The following DENND1A variants were observed in gnomAD, a reference collection of about 807,000 sequenced individuals.
DENND1A encodes the protein DENN domain containing 1A.
Under a neutral mutation model 113.7 loss-of-function variants are expected in DENND1A, and 51 were observed. The observed-to-expected ratio is 0.45, with a 90% CI of 0.36 to 0.57. The LOEUF (loss-of-function observed/expected upper bound fraction) is 0.57, where lower values mean the gene tolerates loss of function less well. Among genes scored for constraint, DENND1A ranks in the 20% least tolerant of loss-of-function variants. The probability of loss-of-function intolerance (pLI) is 0.00; values close to 1 mark genes in which losing one functional copy is unlikely to be tolerated. For synonymous variants in DENND1A, 565 were observed against 570.8 expected (o/e 0.99, Z 0.14); for missense variants, 1,258 against 1,395.9 (o/e 0.90, Z 1.57).
intron 3 of DENND1A, among the ~76,000 whole-genome samples, chr9:123,785,301 A>G (rs1197196222): frequency 2.0e-5 from 3 of 152,126 alleles, no homozygotes; most frequent in Non-Finnish European, 4.4e-5. Context: ...ACAGTGAGCT[A>G]TGATTGCACC....
chr9:123,644,971 A>T lies in DENND1A; in HGVS notation c.618+7042T>A, dbSNP rs564192474. On this transcript the variant is annotated intron_variant, in intron 9 of 23. Transcript: ENST00000394215. ...AAGCTCAGATATGAAAATATGGAAG[A>T]AAAATGGGGCCTTTGTGCTACAGGG... 3.3e-5 allele frequency among the ~76,000 whole-genome samples: 5 copies of T among 152,352 alleles called. No homozygotes were observed. In the East Asian group the frequency reaches 9.6e-4, roughly 29 times the overall value.
At chr9:123,905,369 A>C (rs1242944377) in intron 1 of DENND1A, among the ~76,000 whole-genome samples, 1 of 148,670 alleles carries the variant, frequency 6.7e-6, no homozygotes, top group African/African-American at 2.6e-5. Flanking sequence ...TTAACTTTAA[A>C]TGTAAATGGA....
chr9:123,499,325 C>A (rs1244843533), intron 13 of DENND1A, among the ~76,000 whole-genome samples: 3 of 152,228 alleles, frequency 2.0e-5, no homozygotes, highest in Non-Finnish European at 4.4e-5. Context: ...TGAGCCAGCA[C>A]GCTCGGCCTC....
chr9:123,723,217 C>T (rs1334029856), intron 5 of DENND1A, among the ~76,000 whole-genome samples: 3 of 152,236 alleles, frequency 2.0e-5, no homozygotes, highest in Non-Finnish European at 4.4e-5. Flanking sequence ...GCCAATTTCT[C>T]CCATTCAGAA....
chr9:123,736,828 A>T (rs1469612958), intron 5 of DENND1A, among the ~76,000 whole-genome samples: 1 of 152,230 alleles, frequency 6.6e-6, no homozygotes, highest in East Asian at 1.9e-4. Flanking sequence ...AGGTAGATAC[A>T]GGTCAGACGT....
At chr9:123,486,775 C>A (rs2050907296) in intron 13 of DENND1A, among the ~76,000 whole-genome samples, 5 of 152,210 alleles carry the variant, frequency 3.3e-5, no homozygotes, top group Admixed American at 2.0e-4. Context: ...GTCCCCCAAC[C>A]TTCTGGGCAC....
intron 1 of DENND1A, among the ~76,000 whole-genome samples, chr9:123,911,688 ATTT>A (rs369915046): frequency 1.2e-4 from 17 of 144,222 alleles, no homozygotes; most frequent in African/African-American, 2.8e-4. Flanking sequence ...CAGAATAGTG[ATTT>A]TTTTTTTCTT....
chr9:123,464,299 G>A (rs900664131), intron 13 of DENND1A, among the ~76,000 whole-genome samples: 19 of 152,206 alleles, frequency 1.2e-4, no homozygotes, highest in Admixed American at 7.9e-4. Context: ...GTTCATAGCA[G>A]CTCTACTCAC....
At chr9:123,447,827 A>G (rs1456645534) in intron 18 of DENND1A, among the ~76,000 whole-genome samples, 1 of 151,938 alleles carries the variant, frequency 6.6e-6, no homozygotes, top group Non-Finnish European at 1.5e-5. Flanking sequence ...TTCTACTGCT[A>G]TGTGAGAGGT....
chr9:123,912,309 C>T (rs1056319779), intron 1 of DENND1A, among the ~76,000 whole-genome samples: 2 of 152,156 alleles, frequency 1.3e-5, no homozygotes, highest in Non-Finnish European at 2.9e-5. Context: ...CTAGTGACCT[C>T]AGGACCCAAG....
Position 123,523,842 on chromosome 9 carries a change from A to T in DENND1A, c.993+33728T>A, listed in dbSNP as rs946249569. Among the ~76,000 whole-genome samples, 4 of 152,214 alleles carry T rather than the reference A, an allele frequency of 2.6e-5. No individual in the cohort carries two copies. In the South Asian group the frequency reaches 6.2e-4, roughly 24 times the overall value. On this transcript the variant is annotated intron_variant, in intron 13 of 23. Transcript: ENST00000394215. ...TCGGTCTGCTCTTTGAATCAATATTATAGTTGATAAGCATGAAAACTCTTC... is the reference window on the plus strand; with the variant it reads ...TCGGTCTGCTCTTTGAATCAATATTTTAGTTGATAAGCATGAAAACTCTTC...
intron 8 of DENND1A, among the ~76,000 whole-genome samples, chr9:123,664,757 G>A (rs182352626): frequency 8.9e-4 from 136 of 151,972 alleles, no homozygotes; most frequent in South Asian, 1.7e-3. Flanking sequence ...TATAGTTTTC[G>A]TTCACCACCA....
chr9:123,431,452 C>A (rs2046127498), intron 19 of DENND1A, among the ~76,000 whole-genome samples: 1 of 152,200 alleles, frequency 6.6e-6, no homozygotes, highest in Admixed American at 6.5e-5. Context: ...GGATCCTGAG[C>A]CACCTGCCCA....
intron 13 of DENND1A, among the ~76,000 whole-genome samples, chr9:123,506,237 ATGAG>A (rs2052919955): frequency 6.6e-6 from 1 of 152,214 alleles, no homozygotes; most frequent in Admixed American, 6.5e-5. Context: ...TGAGGATTAA[ATGAG>A]TAATATGTAT....
In DENND1A at chr9:123,681,919, A is replaced by G. The variant is rs528988393; in HGVS notation, c.303-5130T>C. 1.1e-3 allele frequency among the ~76,000 whole-genome samples: 152 copies of G among 141,332 alleles called. 2 individuals are homozygous for G. The highest frequency in any genetic ancestry group is 1.1e-3 in the South Asian group (5 of 4,494). The allele number at this position is 141,332 out of a possible 152,430, so 92.7% of individuals were successfully genotyped here. A position where few individuals can be genotyped will look rare whatever the true frequency, so the allele number is the denominator to read the frequency against. On this transcript the variant is annotated intron_variant, in intron 5 of 23. Coordinates refer to ENST00000394215, the MANE Select transcript of DENND1A (RefSeq NM_001352964.2). ...CTGGGAAATGCTGTGTTGGGTTAGG[A>G]AAAAAAAAAAAAAATAGCAGTGCTC...
At chr9:123,559,454 A>G (rs896626902) in intron 12 of DENND1A, among the ~76,000 whole-genome samples, 1 of 152,208 alleles carries the variant, frequency 6.6e-6, no homozygotes, top group African/African-American at 2.4e-5. Flanking sequence ...ACAGATTTTT[A>G]GTATGAATGA....
At chr9:123,909,530 A>G (rs1853579732) in intron 1 of DENND1A, among the ~76,000 whole-genome samples, 1 of 152,066 alleles carries the variant, frequency 6.6e-6, no homozygotes, top group Non-Finnish European at 1.5e-5. Context: ...AAAAATGGAC[A>G]GAAACTTCTC....
rs562533760 is a variant in DENND1A at position 123,856,890 on chromosome 9, C to T, written c.88+22061G>A. ...TAAATATATTAAGGATAATGGGAAC[C>T]AGGCTTCTCACAGTTGAAGAGAGAA... On this transcript the variant is annotated intron_variant, in intron 2 of 23. Coordinates refer to ENST00000394215, the MANE Select transcript of DENND1A (RefSeq NM_001352964.2). Among the ~76,000 whole-genome samples, 6 of 151,992 alleles carry T rather than the reference C, an allele frequency of 3.9e-5. No individual in the cohort carries two copies. In the East Asian group the frequency reaches 1.2e-3, roughly 29 times the overall value.
chr9:123,782,579 T>C (rs1240023935), intron 3 of DENND1A, among the ~76,000 whole-genome samples: 2 of 152,192 alleles, frequency 1.3e-5, no homozygotes, highest in Non-Finnish European at 2.9e-5. Context: ...ACTTCCTGCC[T>C]GGGAAAGGGA....
Sources: allele counts gnomAD v4.1 joint callset (sites outside exome capture counted in the v4.1 genomes callset), GRCh38; gene constraint gnomAD v4.1.1; transcripts MANE v1.5; gene names NCBI Gene and HGNC (gene_info 2026-07-23, HGNC 2026-07-21).